BICD1: variants seen among roughly 807,000 people sequenced by gnomAD.
The protein encoded by BICD1 is BICD cargo adaptor 1.
A neutral mutation model predicts 92.5 loss-of-function variants in BICD1; 35 were observed. That is an observed-to-expected ratio of 0.38 (90% confidence interval 0.29 to 0.50). The LOEUF (loss-of-function observed/expected upper bound fraction) is 0.50. Among genes scored for constraint, BICD1 ranks in the 20% least tolerant of loss-of-function variants. BICD1 has a pLI of 0.93. For missense variants in BICD1, 950 were observed against 1,189.8 expected (o/e 0.80, Z 2.97); for synonymous variants, 429 against 465.1 (o/e 0.92, Z 1.00).
intron 2 of BICD1, among the ~76,000 whole-genome samples, chr12:32,233,825 C>T (rs749788748): frequency 6.6e-6 from 1 of 152,066 alleles, no homozygotes; most frequent in Non-Finnish European, 1.5e-5. Flanking sequence ...ACGTCTTGAC[C>T]TCTATTTCCA....
rs141863477 is a variant in BICD1 at position 32,172,085 on chromosome 12, C to A, written c.214-44162C>A. 3.6e-4 allele frequency among the ~76,000 whole-genome samples: 55 copies of A among 152,164 alleles called. 1 individual carries two copies. Among genetic ancestry groups the A allele is most frequent in the African/African-American group, 1.2e-3 (49 of 41,476 alleles). The stretch of plus-strand genomic sequence containing the variant: ...CTCTGCCTCTCCCTCCGTTCCTTTT[C>A]TGTTTGCTTCTACTCAGGACTGGGC... On this transcript the variant is annotated intron_variant, in intron 1 of 9. Transcript: ENST00000652176.
chr12:32,308,027 GTCA>G (rs1448959250), intron 4 of BICD1, among the ~76,000 whole-genome samples: 1 of 152,132 alleles, frequency 6.6e-6, no homozygotes, highest in Non-Finnish European at 1.5e-5. Flanking sequence ...TTTCAAGCAG[GTCA>G]TCTATTGGCT....
chr12:32,308,811 A>G (rs1188328701), intron 4 of BICD1, among the ~76,000 whole-genome samples: 4 of 152,048 alleles, frequency 2.6e-5, no homozygotes, highest in African/African-American at 9.7e-5. Flanking sequence ...TCTTTCTTCA[A>G]CCCTTAACTG....
At chr12:32,186,528 T>C (rs1592439272) in intron 1 of BICD1, among the ~76,000 whole-genome samples, 1 of 152,178 alleles carries the variant, frequency 6.6e-6, no homozygotes, top group South Asian at 2.1e-4. Flanking sequence ...TTCTAGATGA[T>C]GAAGAGTCAT....
chr12:32,283,988 C>A (rs1188703374), intron 2 of BICD1, among the ~76,000 whole-genome samples: 1 of 152,252 alleles, frequency 6.6e-6, no homozygotes, highest in Non-Finnish European at 1.5e-5. Flanking sequence ...TAAAGTGGGT[C>A]TCCCCTTTCC....
intron 3 of BICD1, among the ~76,000 whole-genome samples, chr12:32,298,407 A>G (rs950580362): frequency 4.6e-5 from 7 of 151,152 alleles, no homozygotes; most frequent in African/African-American, 1.7e-4. Context: ...TAAAAATATA[A>G]AAAAGAAATT....
At chr12:32,159,894 C>A (rs554991227) in intron 1 of BICD1, among the ~76,000 whole-genome samples, 6 of 117,352 alleles carry the variant, frequency 5.1e-5, no homozygotes, top group Non-Finnish European at 1.3e-4. Context: ...AACTGCCTGC[C>A]TTGGACCCAG....
At chr12:32,142,495 T>A in intron 1 of BICD1, among the ~76,000 whole-genome samples, 1 of 65,828 alleles carries the variant, frequency 1.5e-5, no homozygotes, top group South Asian at 3.2e-4. Flanking sequence ...TCTATTGGTC[T>A]ATCTATCTAG....
intron 3 of BICD1, among the ~76,000 whole-genome samples, chr12:32,300,631 ATTTTTTTTTTTTTTTTTTTT>A (rs34219566): frequency 2.5e-5 from 2 of 80,566 alleles, no homozygotes; most frequent in African/African-American, 7.8e-5. Flanking sequence ...ACTTTACAGT[ATTTTTTTTTTTTTTTTTTTT>A]TTTTTTTTTG....
chr12:32,191,461 A>C (rs370270439), intron 1 of BICD1, among the ~76,000 whole-genome samples: 1 of 151,616 alleles, frequency 6.6e-6, no homozygotes, highest in African/African-American at 2.4e-5. Flanking sequence ...GCAACCCTGC[A>C]TGGAGCAAGT....
At chr12:32,141,149 T>C (rs1315212670) in intron 1 of BICD1, among the ~76,000 whole-genome samples, 3 of 152,216 alleles carry the variant, frequency 2.0e-5, no homozygotes, top group Non-Finnish European at 2.9e-5. Context: ...TTGGCTTGCT[T>C]TCTGTGAACA....
intron 1 of BICD1, among the ~76,000 whole-genome samples, chr12:32,116,927 C>T (rs1166730988): frequency 6.6e-6 from 1 of 151,768 alleles, no homozygotes; most frequent in Admixed American, 6.6e-5. Context: ...TTTCTTTGAA[C>T]ACTTGGTCCA....
chr12:32,332,853 G>T (rs1163843310), intron 5 of BICD1: 1 of 985,302 alleles, frequency 1.0e-6, no homozygotes, highest in Non-Finnish European at 1.2e-6. Context: ...TATGTGGCTG[G>T]AAATAAGACT....
chr12:32,340,177 A>G, intron 8 of BICD1: 1 of 985,354 alleles, frequency 1.0e-6, no homozygotes, highest in Non-Finnish European at 1.2e-6. Flanking sequence ...TCATGAAGTC[A>G]GCCTACTGAT....
intron 2 of BICD1, among the ~76,000 whole-genome samples, chr12:32,228,409 C>T (rs751228551): frequency 2.0e-5 from 3 of 152,136 alleles, no homozygotes; most frequent in Admixed American, 1.3e-4. Context: ...TTCACCAATA[C>T]ACACTGTCAT....
At chr12:32,149,969 G>A (rs1324647138) in intron 1 of BICD1, among the ~76,000 whole-genome samples, 1 of 152,202 alleles carries the variant, frequency 6.6e-6, no homozygotes, top group Non-Finnish European at 1.5e-5. Context: ...GCAGTTCCAG[G>A]TGGCTGCGGA....
intron 1 of BICD1, among the ~76,000 whole-genome samples, chr12:32,140,714 A>AG (rs1942889571): frequency 1.3e-5 from 2 of 152,314 alleles, no homozygotes; most frequent in Non-Finnish European, 2.9e-5. Flanking sequence ...GACAAAAAGC[A>AG]AAATGTTGGG....
At chr12:32,213,983 T>G (rs546034008) in intron 1 of BICD1, among the ~76,000 whole-genome samples, 10 of 152,250 alleles carry the variant, frequency 6.6e-5, no homozygotes, top group African/African-American at 9.6e-5. Flanking sequence ...TTTCCATCAT[T>G]CCTTCTATAT....
intron 1 of BICD1, among the ~76,000 whole-genome samples, chr12:32,197,610 T>C (rs556349731): frequency 2.0e-5 from 3 of 152,234 alleles, no homozygotes; most frequent in African/African-American, 4.8e-5. Context: ...AACAATTTCC[T>C]TGACAACCAA....
Sources: allele counts gnomAD v4.1 joint callset (sites outside exome capture counted in the v4.1 genomes callset), GRCh38; gene constraint gnomAD v4.1.1; transcripts MANE v1.5; gene names NCBI Gene and HGNC (gene_info 2026-07-23, HGNC 2026-07-21).